The following PIP4P2 variants were observed in gnomAD, a reference collection of about 807,000 sequenced individuals.
The protein encoded by PIP4P2 is phosphatidylinositol-4,5-bisphosphate 4-phosphatase 2, also known as type 2 phosphatidylinositol 4,5-bisphosphate 4-phosphatase.
Under a neutral mutation model 33.3 loss-of-function variants are expected in PIP4P2, and 19 were observed. The ratio of observed to expected loss-of-function variants is 0.57; its 90% CI spans 0.40 to 0.84. PIP4P2 has a LOEUF of 0.84. Ranked by LOEUF, PIP4P2 falls within the 40% of genes least tolerant of loss-of-function variation. The probability of loss-of-function intolerance (pLI) is 0.00; values close to 1 mark genes in which losing one functional copy is unlikely to be tolerated. For synonymous variants in PIP4P2, 110 were observed against 111.9 expected, an observed-to-expected ratio of 0.98 and a Z score of 0.11; for missense variants, 270 against 324.7, an observed-to-expected ratio of 0.83 and a Z score of 1.29.
chr8:91,040,619 G>GA (rs1480350247), intron 1 of PIP4P2, 25 bp downstream of exon 1: 1 of 1,612,346 alleles, frequency 6.2e-7, no homozygotes, highest in Non-Finnish European at 8.5e-7. Context: ...TCCTTGCAAA[G>GA]TAGAGGGATC....
intron 1 of PIP4P2, among the ~76,000 whole-genome samples, chr8:91,023,495 A>T (rs1219902338): frequency 2.0e-5 from 3 of 152,100 alleles, no homozygotes; most frequent in Non-Finnish European, 4.4e-5. Flanking sequence ...AACAATCATT[A>T]AAAGGGCATT....
At chr8:91,032,464 A>G (rs1812176288) in intron 1 of PIP4P2, among the ~76,000 whole-genome samples, 1 of 152,064 alleles carries the variant, frequency 6.6e-6, no homozygotes, top group South Asian at 2.1e-4. Context: ...TTCCCAATTT[A>G]TTGAATACCT....
Position 91,019,419 on chromosome 8 carries a change from A to AT in PIP4P2, c.362+737_362+738insA, listed in dbSNP as rs1811969815. Among the ~76,000 whole-genome samples, 3 of 146,012 alleles carry AT rather than the reference A, an allele frequency of 2.1e-5. No individual in the cohort carries two copies. In the South Asian group the frequency reaches 6.7e-4, roughly 33 times the overall value. Reference sequence around the variant, plus strand: ...ACAAAAAAAAAAAAAAAAAAAAAAAAAAAAATATATTACCTGGGAGTGGTG... The same window carrying AT: ...ACAAAAAAAAAAAAAAAAAAAAAAAATAAAAATATATTACCTGGGAGTGGTG... On this transcript the variant is annotated intron_variant, in intron 3 of 6. Coordinates refer to ENST00000285419, the MANE Select transcript of PIP4P2 (RefSeq NM_018710.3).
At chr8:91,000,534 C>T (rs1318211849) in intron 5 of PIP4P2, among the ~76,000 whole-genome samples, 4 of 151,638 alleles carry the variant, frequency 2.6e-5, no homozygotes, top group Admixed American at 6.6e-5. Context: ...GTGTATAATA[C>T]CAGTTTGACA....
At chr8:91,019,841 C>T (rs950101576) in intron 3 of PIP4P2, among the ~76,000 whole-genome samples, 7 of 152,188 alleles carry the variant, frequency 4.6e-5, no homozygotes, top group African/African-American at 1.2e-4. Context: ...GCTAGGAATA[C>T]AGGCATGAAC....
intron 5 of PIP4P2, among the ~76,000 whole-genome samples, chr8:91,003,582 T>TG (rs1394537956): frequency 6.6e-6 from 1 of 151,914 alleles, no homozygotes; most frequent in Non-Finnish European, 1.5e-5. Context: ...CAGAGTAAGG[T>TG]GGGAATGCTG....
intron 2 of PIP4P2, among the ~76,000 whole-genome samples, chr8:91,020,618 T>C (rs563945556): frequency 1.1e-3 from 169 of 152,318 alleles, no homozygotes; most frequent in African/African-American, 3.7e-3. Context: ...GTGTATGCTT[T>C]ACCAGTTTAT....
intron 1 of PIP4P2, among the ~76,000 whole-genome samples, chr8:91,028,193 A>G (rs1164059331): frequency 6.6e-6 from 1 of 152,222 alleles, no homozygotes; most frequent in Admixed American, 6.5e-5. Context: ...GGTTACCTGC[A>G]AAGATGTTGC....
In PIP4P2 at chr8:91,040,787, GGGTTGCGGCCTCGGCGGA is replaced by G; in HGVS notation, c.-56_-39del. 1.9e-6 allele frequency: 3 copies of G among 1,594,152 alleles called. No homozygotes were observed. The highest frequency in any genetic ancestry group is 1.7e-6 in the Non-Finnish European group (2 of 1,166,882). On this transcript the variant is annotated 5_prime_UTR_variant, in exon 1 of 7. Coordinates refer to ENST00000285419, the MANE Select transcript of PIP4P2 (RefSeq NM_018710.3). ...GGCGGGGCCTGGGGAGGCCGAGCCG[GGGTTGCGGCCTCGGCGGA>G]GTGGTGGCTACTGCTGCTGCCTCTG...
intron 5 of PIP4P2, among the ~76,000 whole-genome samples, chr8:90,998,083 T>C (rs1275173843): frequency 6.6e-6 from 1 of 152,010 alleles, no homozygotes; most frequent in Non-Finnish European, 1.5e-5. Context: ...CCCTAGTCTA[T>C]TTTTGGTTTT....
chr8:90,996,291 G>A (rs191345040), intron 6 of PIP4P2, among the ~76,000 whole-genome samples: 4 of 151,992 alleles, frequency 2.6e-5, no homozygotes, highest in Non-Finnish European at 5.9e-5. Flanking sequence ...GAGAAGAGTG[G>A]TTTTTTTAGA....
At chr8:91,038,745 C>T (rs117371243) in intron 1 of PIP4P2, among the ~76,000 whole-genome samples, 3,428 of 152,264 alleles carry the variant, frequency 0.023, 55 homozygotes, top group Non-Finnish European at 0.035. Flanking sequence ...TTTTACCTCT[C>T]ATTTATGCTT....
chr8:91,026,025 CTAGTTA>C (rs990599624), intron 1 of PIP4P2, among the ~76,000 whole-genome samples: 4 of 152,124 alleles, frequency 2.6e-5, no homozygotes, highest in African/African-American at 9.7e-5. Context: ...AGGAAATATG[CTAGTTA>C]TCAGGTTACT....
At chr8:91,031,905 T>C (rs1812169032) in intron 1 of PIP4P2, among the ~76,000 whole-genome samples, 2 of 152,088 alleles carry the variant, frequency 1.3e-5, no homozygotes, top group Non-Finnish European at 2.9e-5. Flanking sequence ...AACAACTGTG[T>C]CATAAAATAT....
Position 91,038,337 on chromosome 8 carries a change from T to A in PIP4P2, c.106+2307A>T, listed in dbSNP as rs188454698. ...AGTTATAGCTTTTAACTTCTTTTTT[T>A]AAAAAAATAAAAGTCTGAATAATTG... is the stretch of plus-strand genomic sequence containing the variant. On this transcript the variant is annotated intron_variant, in intron 1 of 6. Transcript: ENST00000285419. Among the ~76,000 whole-genome samples, 714 of 152,266 alleles carry A rather than the reference T, an allele frequency of 4.7e-3. 6 individuals carry two copies. The highest frequency in any genetic ancestry group is 0.016 in the African/African-American group (654 of 41,548).
intron 1 of PIP4P2, chr8:91,024,153 G>T (rs567716092): frequency 3.6e-5 from 8 of 219,316 alleles, no homozygotes; most frequent in Non-Finnish European, 6.7e-5. Context: ...AATGACAGAT[G>T]CTGCAGCCTA....
intron 3 of PIP4P2, among the ~76,000 whole-genome samples, chr8:91,018,928 T>C (rs1811958770): frequency 6.6e-6 from 1 of 152,300 alleles, no homozygotes; most frequent in South Asian, 2.1e-4. Context: ...CAAATTTCTC[T>C]GAGCAGTGTG....
At chr8:91,015,243 C>A (rs1308804031) in intron 4 of PIP4P2, among the ~76,000 whole-genome samples, 1 of 151,718 alleles carries the variant, frequency 6.6e-6, no homozygotes, top group African/African-American at 2.4e-5. Flanking sequence ...AGAAATCTGC[C>A]CTAAAGAAAA....
At chr8:91,031,709 A>T (rs1812166379) in intron 1 of PIP4P2, among the ~76,000 whole-genome samples, 1 of 152,252 alleles carries the variant, frequency 6.6e-6, no homozygotes, top group African/African-American at 2.4e-5. Flanking sequence ...TAATTTTTAC[A>T]AGAGTCATGT....
Sources: allele counts gnomAD v4.1 joint callset (sites outside exome capture counted in the v4.1 genomes callset), GRCh38; gene constraint gnomAD v4.1.1; transcripts MANE v1.5; gene names NCBI Gene and HGNC (gene_info 2026-07-23, HGNC 2026-07-21).